KCNN2: variants seen among roughly 807,000 people sequenced by gnomAD.
The protein encoded by KCNN2 is small conductance calcium-activated potassium channel protein 2.
KCNN2 carries 24 observed loss-of-function variants against 55.5 expected under a neutral mutation model. The ratio of observed to expected loss-of-function variants is 0.43; its 90% CI spans 0.31 to 0.61. The LOEUF is 0.61. KCNN2 is among the 20% of genes least tolerant of loss of function. The pLI, the probability that KCNN2 is intolerant of heterozygous loss-of-function variation, is 0.08. For missense variants in KCNN2, 754 were observed against 853.6 expected, an observed-to-expected ratio of 0.88 and a Z score of 1.45; for synonymous variants, 431 against 336.1, an observed-to-expected ratio of 1.28 and a Z score of -3.09.
chr5:114,187,787 T>TGAGC (rs1168043463), intron 1 of KCNN2, among the ~76,000 whole-genome samples: 2 of 151,458 alleles, frequency 1.3e-5, no homozygotes, highest in Non-Finnish European at 2.9e-5. Context: ...TTGACAGGCA[T>TGAGC]GAGCCACCAT....
intron 1 of KCNN2, among the ~76,000 whole-genome samples, chr5:114,363,470 G>T (rs1296874525): frequency 6.6e-6 from 1 of 152,216 alleles, no homozygotes; most frequent in African/African-American, 2.4e-5. Context: ...CAAAGTTCTC[G>T]AGGCAGTTAA....
chr5:114,383,958 G>A (rs973622969), intron 2 of KCNN2, among the ~76,000 whole-genome samples: 13 of 152,176 alleles, frequency 8.5e-5, no homozygotes, highest in African/African-American at 2.9e-4. Flanking sequence ...CTGAGAACAA[G>A]CACTATGCTA....
chr5:114,487,121 G>A lies in KCNN2; in HGVS notation c.1962G>A (p.Lys654=). The change falls in exon 6 of 8, where the codon AAG becomes AAA. Residue 654 remains lysine, a synonymous_variant. Transcript: ENST00000673685. ...ACAAAAATACAAAGCTAGTGAAAAA[G>A]ATAGATCATGCAAAAGTAAGAAAAC... ...LIYKNTKLVK[K]IDHAKVRKHQ... 6.2e-7 allele frequency: 1 copy of A among 1,612,912 alleles called. No individual in the cohort carries two copies. The highest frequency in any genetic ancestry group is 8.5e-7 in the Non-Finnish European group (1 of 1,179,164).
chr5:114,325,567 A>G (rs1333550022), intron 2 of KCNN2, among the ~76,000 whole-genome samples: 1 of 152,216 alleles, frequency 6.6e-6, no homozygotes, highest in Non-Finnish European at 1.5e-5. Context: ...AGTGTTTAGG[A>G]AACTTAAAAG....
At chr5:114,352,172 C>G (rs1336909900) in intron 2 of KCNN2, among the ~76,000 whole-genome samples, 1 of 151,650 alleles carries the variant, frequency 6.6e-6, no homozygotes, top group Non-Finnish European at 1.5e-5. Context: ...TAGCAATTTT[C>G]TCATTTTATT....
At chr5:114,178,005 A>G (rs548612063) in intron 1 of KCNN2, among the ~76,000 whole-genome samples, 2 of 152,210 alleles carry the variant, frequency 1.3e-5, no homozygotes, top group Non-Finnish European at 2.9e-5. Context: ...ATCATATGAC[A>G]TTGTTTTTAA....
At chr5:114,165,621 A>C (rs1456855538) in intron 1 of KCNN2, among the ~76,000 whole-genome samples, 3 of 152,132 alleles carry the variant, frequency 2.0e-5, no homozygotes, top group Non-Finnish European at 4.4e-5. Flanking sequence ...GTTCTTATCC[A>C]TGGCCTTATT....
intron 2 of KCNN2, among the ~76,000 whole-genome samples, chr5:114,333,553 C>T (rs1488839291): frequency 1.3e-5 from 2 of 151,452 alleles, no homozygotes; most frequent in African/African-American, 4.9e-5. Flanking sequence ...TGAAAAGTCA[C>T]CAGCTAATGT....
intron 2 of KCNN2, among the ~76,000 whole-genome samples, chr5:114,369,599 G>C (rs1163638180): frequency 6.6e-6 from 1 of 152,138 alleles, no homozygotes; most frequent in Non-Finnish European, 1.5e-5. Context: ...GTGGTGTTCA[G>C]CTCAGTGACT....
intron 3 of KCNN2, among the ~76,000 whole-genome samples, chr5:114,429,818 CTTTTTTTTTTT>C (rs61595962): frequency 1.4e-5 from 1 of 71,244 alleles, no homozygotes; most frequent in Non-Finnish European, 2.5e-5. Context: ...TATATAGATG[CTTTTTTTTTTT>C]TTTTTTTTTT....
At chr5:114,115,890 G>A (rs1402261352) in intron 1 of KCNN2, among the ~76,000 whole-genome samples, 1 of 152,024 alleles carries the variant, frequency 6.6e-6, no homozygotes, top group Non-Finnish European at 1.5e-5. Flanking sequence ...ATATATGTTG[G>A]CAGGAATTTC....
intron 1 of KCNN2, among the ~76,000 whole-genome samples, chr5:114,130,559 G>A (rs1752051204): frequency 6.6e-6 from 1 of 152,156 alleles, no homozygotes; most frequent in Non-Finnish European, 1.5e-5. Flanking sequence ...ATGCCTGGTT[G>A]TTTTGCCATC....
At chr5:114,357,986 A>AC (rs1757330145), upstream of KCNN2, among the ~76,000 whole-genome samples, 1 of 149,844 alleles carries the variant, frequency 6.7e-6, no homozygotes, top group East Asian at 2.0e-4. Context: ...TTTAATGATC[A>AC]CCATTCTAAC....
intron 2 of KCNN2, among the ~76,000 whole-genome samples, chr5:114,312,198 C>T (rs995489015): frequency 6.6e-6 from 1 of 151,754 alleles, no homozygotes; most frequent in Non-Finnish European, 1.5e-5. Flanking sequence ...TCTCTTCTTG[C>T]TTCTTGGCGT....
At chr5:114,191,718 G>A (rs1753454725) in intron 1 of KCNN2, among the ~76,000 whole-genome samples, 1 of 152,128 alleles carries the variant, frequency 6.6e-6, no homozygotes, top group Non-Finnish European at 1.5e-5. Context: ...ATTAGGCATT[G>A]TGATAGAAAG....
At chr5:114,195,708 C>T (rs1580608864) in intron 1 of KCNN2, among the ~76,000 whole-genome samples, 2 of 151,954 alleles carry the variant, frequency 1.3e-5, no homozygotes, top group East Asian at 3.8e-4. Flanking sequence ...CTTGCACCTC[C>T]AGTAAAAGGA....
chr5:114,271,366 C>T (rs4423989), intron 2 of KCNN2, among the ~76,000 whole-genome samples: 149,321 of 152,262 alleles, frequency 0.98, 73,286 homozygotes, highest in Non-Finnish European at 1. Flanking sequence ...ACAGTGCTGA[C>T]TTGTGCATTT....
chr5:114,362,763 C>T lies in KCNN2; in HGVS notation c.624C>T (p.Phe208=). 2 of 1,569,520 alleles carry T rather than the reference C, an allele frequency of 1.3e-6. No homozygotes were observed. Among genetic ancestry groups the T allele is most frequent in the Non-Finnish European group, 1.7e-6 (2 of 1,163,818 alleles). The change falls in exon 1 of 8, where the codon TTC becomes TTT. Residue 208 remains phenylalanine, a synonymous_variant. Coordinates refer to ENST00000673685, the MANE Select transcript of KCNN2 (RefSeq NM_021614.4). ...AGGCGCGCCGCGAGAGCAACCCCTT[C>T]ACCGAAATAGCCATGAGCAGCTGCA... ...QPQARRESNP[F]TEIAMSSCRY...
intron 1 of KCNN2, among the ~76,000 whole-genome samples, chr5:114,186,482 A>C (rs182906245): frequency 3.3e-5 from 5 of 152,314 alleles, no homozygotes; most frequent in Middle Eastern, 3.4e-3. Flanking sequence ...CCAGAGGCTG[A>C]ATAAAACAGA....
Sources: allele counts gnomAD v4.1 joint callset (sites outside exome capture counted in the v4.1 genomes callset), GRCh38; gene constraint gnomAD v4.1.1; transcripts MANE v1.5; gene names NCBI Gene and HGNC (gene_info 2026-07-23, HGNC 2026-07-21).